The following SCHIP1 variants were observed in gnomAD, a reference collection of about 807,000 sequenced individuals.
SCHIP1 encodes schwannomin-interacting protein 1.
In SCHIP1, 8 loss-of-function variants were observed where a neutral mutation model predicts 29.7. That is an observed-to-expected ratio of 0.27 (90% CI 0.16 to 0.49). SCHIP1 has a LOEUF of 0.49. Ranked by LOEUF, SCHIP1 falls within the 20% of genes least tolerant of loss-of-function variation. The probability of loss-of-function intolerance (pLI) is 0.99; values close to 1 mark genes in which losing one functional copy is unlikely to be tolerated. For synonymous variants in SCHIP1, 76 were observed against 94.9 expected, an observed-to-expected ratio of 0.80 and a Z score of 1.16; for missense variants, 193 against 294.6, an observed-to-expected ratio of 0.66 and a Z score of 2.52.
chr3:159,526,906 C>T, the SCHIP1 span, among the ~76,000 whole-genome samples: 2 of 149,258 alleles, frequency 1.3e-5, no homozygotes, highest in Non-Finnish European at 3.0e-5. Flanking sequence ...CCATCTGATA[C>T]TGTCCCGCCT....
chr3:159,716,935 C>T, the SCHIP1 span, among the ~76,000 whole-genome samples: 1 of 152,208 alleles, frequency 6.6e-6, no homozygotes, highest in African/African-American at 2.4e-5. Flanking sequence ...ACAGAATATA[C>T]ATTTTCTCAG....
chr3:159,843,001 C>CTTTTTTTTTTTTTTTTTTTTT lies in SCHIP1; in HGVS notation c.30+2795_30+2815dup, dbSNP rs566940351. Among the ~76,000 whole-genome samples, 44 of 63,732 alleles carry CTTTTTTTTTTTTTTTTTTTTT rather than the reference C, an allele frequency of 6.9e-4. 6 individuals carry two copies. The highest frequency in any genetic ancestry group is 8.0e-4 in the Non-Finnish European group (24 of 30,168). 41.8% of individuals were successfully genotyped at this position (63,732 alleles called of 152,430 possible). ...TCCAGTTCTATCCCAATATTTCTTT[C>CTTTTTTTTTTTTTTTTTTTTT]TTTTTTTTTTTTTTTTTTTTTTTTT... On this transcript the variant is annotated intron_variant, in intron 1 of 6. Transcript: ENST00000445224.
At chr3:159,428,721 A>C in the SCHIP1 span, among the ~76,000 whole-genome samples, 2 of 151,728 alleles carry the variant, frequency 1.3e-5, no homozygotes, top group African/African-American at 4.8e-5. Flanking sequence ...ACTATAAATC[A>C]TGCTGCTATA....
the SCHIP1 span, among the ~76,000 whole-genome samples, chr3:159,299,826 G>A: frequency 6.6e-6 from 1 of 152,158 alleles, no homozygotes; most frequent in African/African-American, 2.4e-5. Flanking sequence ...GTGAGGGAGT[G>A]AGGTCCCACA....
chr3:159,373,513 T>A, the SCHIP1 span, among the ~76,000 whole-genome samples: 1 of 152,006 alleles, frequency 6.6e-6, no homozygotes, highest in Non-Finnish European at 1.5e-5. Context: ...AAGCTCTGAG[T>A]CTATCTCCAA....
the SCHIP1 span, among the ~76,000 whole-genome samples, chr3:159,407,741 G>C: frequency 6.6e-6 from 1 of 152,174 alleles, no homozygotes; most frequent in South Asian, 2.1e-4. Flanking sequence ...AGTCTGGAAA[G>C]TATACAAACA....
the SCHIP1 span, among the ~76,000 whole-genome samples, chr3:159,354,799 T>C: frequency 6.6e-6 from 1 of 152,176 alleles, no homozygotes; most frequent in East Asian, 1.9e-4. Context: ...AACATAGCAT[T>C]TGTTTCACAT....
the SCHIP1 span, among the ~76,000 whole-genome samples, chr3:159,495,593 C>T: frequency 6.6e-6 from 1 of 152,064 alleles, no homozygotes; most frequent in Non-Finnish European, 1.5e-5. Flanking sequence ...AACCACTGCT[C>T]AATGAAATAA....
At chr3:159,429,715 G>A in the SCHIP1 span, among the ~76,000 whole-genome samples, 280 of 152,260 alleles carry the variant, frequency 1.8e-3, no homozygotes, top group Middle Eastern at 6.8e-3. Context: ...AGGTTATGCC[G>A]TATCATTTAT....
the SCHIP1 span, among the ~76,000 whole-genome samples, chr3:159,417,652 G>T: frequency 6.6e-6 from 1 of 152,168 alleles, no homozygotes; most frequent in Non-Finnish European, 1.5e-5. Flanking sequence ...CTGCAATGAT[G>T]GCCCTAATTC....
intron 1 of SCHIP1, among the ~76,000 whole-genome samples, chr3:159,847,998 A>C (rs753274975): frequency 6.7e-6 from 1 of 148,690 alleles, no homozygotes; most frequent in Non-Finnish European, 1.5e-5. Flanking sequence ...TCAGGATGAA[A>C]TCGAGTTTCC....
chr3:159,866,230 C>T (rs746300624), exon 2 of SCHIP1: 3 of 1,613,670 alleles, frequency 1.9e-6, no homozygotes, highest in Non-Finnish European at 2.5e-6. Flanking sequence ...GATGATGGCC[C>T]AGGAATTTAT....
chr3:159,459,514 A>T, the SCHIP1 span, among the ~76,000 whole-genome samples: 1 of 152,014 alleles, frequency 6.6e-6, no homozygotes, highest in African/African-American at 2.4e-5. Flanking sequence ...ATAGTAGATC[A>T]GCATCTGAAC....
At chr3:159,515,769 ATTTCT>A in the SCHIP1 span, among the ~76,000 whole-genome samples, 3 of 152,138 alleles carry the variant, frequency 2.0e-5, no homozygotes, top group Non-Finnish European at 4.4e-5. Context: ...TAGTTCACTG[ATTTCT>A]TTATTCTTTA....
chr3:159,388,503 T>C, the SCHIP1 span, among the ~76,000 whole-genome samples: 3 of 152,110 alleles, frequency 2.0e-5, no homozygotes, highest in African/African-American at 7.2e-5. Context: ...TCCTTATATA[T>C]ATTTATGAAT....
the SCHIP1 span, among the ~76,000 whole-genome samples, chr3:159,524,150 C>T: frequency 6.6e-6 from 1 of 152,186 alleles, no homozygotes; most frequent in South Asian, 2.1e-4. Context: ...ATCCGGTTCA[C>T]TATGCACCAC....
the SCHIP1 span, among the ~76,000 whole-genome samples, chr3:159,320,586 C>T: frequency 1.1e-4 from 17 of 149,130 alleles, no homozygotes; most frequent in Non-Finnish European, 1.9e-4. Context: ...CCATTTATAT[C>T]TGACATATGG....
the SCHIP1 span, among the ~76,000 whole-genome samples, chr3:159,717,063 A>G: frequency 6.6e-6 from 1 of 152,368 alleles, no homozygotes; most frequent in East Asian, 1.9e-4. Context: ...CAATCAAACT[A>G]GAACTCAGGA....
the SCHIP1 span, among the ~76,000 whole-genome samples, chr3:159,601,939 G>A: frequency 6.6e-6 from 1 of 152,178 alleles, no homozygotes; most frequent in African/African-American, 2.4e-5. Flanking sequence ...ATTCCTGTTG[G>A]CTGTGCTCCA....
Sources: allele counts gnomAD v4.1 joint callset (sites outside exome capture counted in the v4.1 genomes callset), GRCh38; gene constraint gnomAD v4.1.1; transcripts MANE v1.5; gene names NCBI Gene and HGNC (gene_info 2026-07-23, HGNC 2026-07-21).